CEP128: variants seen among roughly 807,000 people sequenced by gnomAD.
CEP128 encodes the protein centrosomal protein 128kDa.
Under a neutral mutation model 156.7 loss-of-function variants are expected in CEP128, and 132 were observed. That is an observed-to-expected ratio of 0.84 (90% CI 0.73 to 0.97). The LOEUF is 0.97. Among genes scored for constraint, CEP128 ranks in the 50% least tolerant of loss-of-function variants. CEP128 has a pLI of 0.00. For synonymous variants in CEP128, 469 were observed against 448.9 expected (o/e 1.04, Z -0.57); for missense variants, 1,252 against 1,281.9 (o/e 0.98, Z 0.36).
chr14:80,791,960 G>C (rs540690989), intron 14 of CEP128, among the ~76,000 whole-genome samples: 2 of 152,150 alleles, frequency 1.3e-5, no homozygotes, highest in Admixed American at 1.3e-4. Flanking sequence ...CAGAGTTCTC[G>C]ACAAGTGACA....
At chr14:80,791,549 C>G (rs773611960) in intron 14 of CEP128, among the ~76,000 whole-genome samples, 1 of 152,142 alleles carries the variant, frequency 6.6e-6, no homozygotes. Context: ...TCGCTAGCTA[C>G]CTACCTACCT....
rs756848482 is a variant in CEP128 at position 80,634,418 on chromosome 14, TAA to T, written c.2807-53997_2807-53996del. On this transcript the variant is annotated intron_variant, in intron 19 of 24. Coordinates refer to ENST00000555265, the MANE Select transcript of CEP128 (RefSeq NM_152446.5). ...TTCTCCAAGGACATAAGACTATTTT[TAA>T]AAGTTTTGAAAGTGGTACTAATATC... is the stretch of plus-strand genomic sequence containing the variant. Among the ~76,000 whole-genome samples the T allele has an allele frequency of 2.0e-5, 3 of 152,242 alleles. 1 individual carries two copies. In the South Asian group the frequency reaches 6.2e-4, roughly 32 times the overall value.
chr14:80,930,643 C>A (rs938408341), intron 2 of CEP128, among the ~76,000 whole-genome samples: 1 of 152,184 alleles, frequency 6.6e-6, no homozygotes, highest in Non-Finnish European at 1.5e-5. Flanking sequence ...ACCAGCTATG[C>A]AATAAAGCCA....
At chr14:80,938,933 AG>A (rs1175072853) in intron 2 of CEP128, among the ~76,000 whole-genome samples, 1 of 152,218 alleles carries the variant, frequency 6.6e-6, no homozygotes, top group Non-Finnish European at 1.5e-5. Context: ...ACAGCAATGA[AG>A]CCCCTTGGCA....
chr14:80,574,860 C>A (rs1891290918), intron 20 of CEP128, among the ~76,000 whole-genome samples: 1 of 151,992 alleles, frequency 6.6e-6, no homozygotes, highest in African/African-American at 2.4e-5. Flanking sequence ...TGTCCCTCCA[C>A]CCCTAAAACA....
chr14:80,838,065 G>A (rs3861639), intron 11 of CEP128, 139 bp downstream of exon 11: 67,757 of 581,014 alleles, frequency 0.12, 6,455 homozygotes, highest in East Asian at 0.42. Context: ...CCTTTGCTTA[G>A]GTGTGCTAAT....
chr14:80,688,377 G>A (rs1896598600), intron 19 of CEP128, among the ~76,000 whole-genome samples: 1 of 152,048 alleles, frequency 6.6e-6, no homozygotes, highest in Non-Finnish European at 1.5e-5. Context: ...TTTGGAAACA[G>A]CCTTGCCAAC....
chr14:80,642,368 G>A (rs1191647983), intron 19 of CEP128, among the ~76,000 whole-genome samples: 1 of 152,186 alleles, frequency 6.6e-6, no homozygotes, highest in Non-Finnish European at 1.5e-5. Flanking sequence ...AGAGATAAAG[G>A]AGAGATATCA....
At chr14:80,657,933 G>GC (rs1450427664) in intron 19 of CEP128, among the ~76,000 whole-genome samples, 1 of 151,982 alleles carries the variant, frequency 6.6e-6, no homozygotes, top group African/African-American at 2.4e-5. Flanking sequence ...TTTTTTGAAG[G>GC]CAAGAACTCT....
In CEP128 at chr14:80,743,089, T is replaced by G; in HGVS notation, c.2792A>C (p.His931Pro). 1 of 1,613,356 alleles carries G rather than the reference T, an allele frequency of 6.2e-7. No individual in the cohort carries two copies. The highest frequency in any genetic ancestry group is 1.7e-5 in the Admixed American group (1 of 59,974). The change falls in exon 19 of 25, where the codon CAT (histidine) becomes CCT (proline). Residue 931 changes from histidine to proline, a missense_variant. Coordinates refer to ENST00000555265, the MANE Select transcript of CEP128 (RefSeq NM_152446.5). The part of the protein sequence containing the change: ...ERQEQLLDEI[H>P]REKRDLLEET... Reference sequence around the variant, plus strand: ...CTAACACACACCTCTCTTCTCACGATGTATTTCATCCAGAAGCTGCTCCTG... The same window carrying G: ...CTAACACACACCTCTCTTCTCACGAGGTATTTCATCCAGAAGCTGCTCCTG...
chr14:80,867,848 A>G (rs1392225898), intron 8 of CEP128, among the ~76,000 whole-genome samples: 2 of 152,102 alleles, frequency 1.3e-5, no homozygotes, highest in African/African-American at 4.8e-5. Context: ...GAACACCCAG[A>G]TCCTTGAAGA....
intron 5 of CEP128, 150 bp downstream of exon 5, chr14:80,905,805 G>A: frequency 4.5e-6 from 3 of 666,308 alleles, no homozygotes; most frequent in Non-Finnish European, 4.8e-6. Context: ...ATATTTCAAA[G>A]CATGTACTAT....
intron 14 of CEP128, among the ~76,000 whole-genome samples, chr14:80,482,818 G>A (rs989328726): frequency 2.0e-5 from 3 of 152,194 alleles, no homozygotes; most frequent in Admixed American, 2.0e-4. Context: ...AGGGACAGAA[G>A]TACACAATTC....
At chr14:80,555,644 G>A (rs1025148822) in intron 21 of CEP128, among the ~76,000 whole-genome samples, 2 of 152,014 alleles carry the variant, frequency 1.3e-5, no homozygotes. Flanking sequence ...AAACCCTTTT[G>A]TTCATTACTG....
chr14:80,490,341 G>A (rs565597908), downstream of CEP128: 1 of 151,664 alleles, frequency 6.6e-6, no homozygotes, highest in Non-Finnish European at 1.5e-5. Flanking sequence ...GAAACACAGT[G>A]GTTGACTGTG....
intron 15 of CEP128, among the ~76,000 whole-genome samples, chr14:80,782,159 T>A (rs1030655926): frequency 1.3e-5 from 2 of 152,218 alleles, no homozygotes; most frequent in Non-Finnish European, 1.5e-5. Flanking sequence ...CCAGTCACCC[T>A]CTTCACTGTG....
downstream of CEP128, among the ~76,000 whole-genome samples, chr14:80,493,195 C>G (rs780934046): frequency 3.3e-5 from 5 of 152,132 alleles, no homozygotes; most frequent in Admixed American, 6.6e-5. Context: ...CTAGCATATG[C>G]CTGTTTGAGA....
At chr14:80,696,409 G>C (rs1896893370) in intron 19 of CEP128, among the ~76,000 whole-genome samples, 1 of 152,070 alleles carries the variant, frequency 6.6e-6, no homozygotes, top group African/African-American at 2.4e-5. Flanking sequence ...AAAACATCAG[G>C]GTAGAGATTA....
chr14:80,764,762 T>C (rs1566901714), intron 16 of CEP128, among the ~76,000 whole-genome samples: 1 of 152,130 alleles, frequency 6.6e-6, no homozygotes, highest in East Asian at 1.9e-4. Flanking sequence ...AGCTGTAAAC[T>C]CTCTCCATCA....
Sources: gnomAD v4.1 joint callset for allele counts (sites outside exome capture counted in the v4.1 genomes callset) on GRCh38, gnomAD v4.1.1 for gene constraint, MANE v1.5 for transcripts, NCBI Gene and HGNC (gene_info 2026-07-23, HGNC 2026-07-21) for gene names.